NLRP14: variants seen among roughly 807,000 people sequenced by gnomAD.
NLRP14 encodes the protein NACHT, LRR and PYD domains-containing protein 14.
In NLRP14, 105 loss-of-function variants were observed where a neutral mutation model predicts 94.7. That is an observed-to-expected ratio of 1.11 (90% CI 0.95 to 1.30). The LOEUF (loss-of-function observed/expected upper bound fraction) is 1.30. Among genes scored for constraint, NLRP14 ranks in the 50% most tolerant of loss-of-function variants. The probability of loss-of-function intolerance (pLI) is 0.00; values close to 1 mark genes in which losing one functional copy is unlikely to be tolerated. For synonymous variants in NLRP14, 508 were observed against 459.9 expected, an observed-to-expected ratio of 1.10 and a Z score of -1.34; for missense variants, 1,362 against 1,254.1, an observed-to-expected ratio of 1.09 and a Z score of -1.30.
intron 6 of NLRP14, among the ~76,000 whole-genome samples, chr11:7,050,817 T>A (rs1490728792): frequency 6.6e-6 from 1 of 152,158 alleles, no homozygotes; most frequent in Non-Finnish European, 1.5e-5. Context: ...AGAGTAAAGG[T>A]TTTACCTACT....
the NLRP14 span, among the ~76,000 whole-genome samples, chr11:7,083,994 T>C: frequency 6.6e-6 from 1 of 152,212 alleles, no homozygotes; most frequent in East Asian, 1.9e-4. Context: ...TTGTCTTTGT[T>C]CAATTCTTCC....
At chr11:7,089,381 G>C in the NLRP14 span, 5 of 1,603,228 alleles carry the variant, frequency 3.1e-6, no homozygotes, top group Admixed American at 8.4e-5. Context: ...CCACCAAACC[G>C]GCGTTCGAGA....
intron 9 of NLRP14, 39 bp from the exon 10 acceptor site, chr11:7,062,293 AC>A: frequency 6.4e-7 from 1 of 1,561,636 alleles, no homozygotes; most frequent in Non-Finnish European, 8.8e-7. Context: ...ATTTAACCTC[AC>A]AATGGAAGGA....
intron 6 of NLRP14, among the ~76,000 whole-genome samples, chr11:7,050,673 T>C (rs1472145549): frequency 1.3e-5 from 2 of 152,198 alleles, no homozygotes; most frequent in Non-Finnish European, 2.9e-5. Flanking sequence ...AAATGAAGTC[T>C]GGAATAAGAC....
At chr11:7,067,340 A>G (rs1284449161) in intron 10 of NLRP14, among the ~76,000 whole-genome samples, 1 of 152,144 alleles carries the variant, frequency 6.6e-6, no homozygotes, top group Admixed American at 6.5e-5. Context: ...ATGAGCATGG[A>G]ATATTTTTCC....
intron 1 of NLRP14, among the ~76,000 whole-genome samples, chr11:7,031,021 G>C (rs1467444942): frequency 6.6e-6 from 1 of 152,166 alleles, no homozygotes; most frequent in Admixed American, 6.5e-5. Flanking sequence ...TAGGTCAGGC[G>C]GTGGGGTCCA....
chr11:7,036,652 A>C (rs1852166804), intron 1 of NLRP14, among the ~76,000 whole-genome samples: 1 of 152,188 alleles, frequency 6.6e-6, no homozygotes, highest in South Asian at 2.1e-4. Flanking sequence ...ATTGAATCCC[A>C]AAATGCCCCT....
chr11:7,078,470 ATT>A, the NLRP14 span, among the ~76,000 whole-genome samples: 1 of 141,920 alleles, frequency 7.0e-6, no homozygotes, highest in Non-Finnish European at 1.6e-5. Flanking sequence ...AAACAAAAAA[ATT>A]GAATTAGATT....
chr11:7,074,551 C>T (rs896756095), downstream of NLRP14, among the ~76,000 whole-genome samples: 2 of 152,212 alleles, frequency 1.3e-5, no homozygotes, highest in African/African-American at 4.8e-5. Flanking sequence ...TAATTTCTAC[C>T]AGACTGTCAG....
chr11:7,042,760 A>C lies in NLRP14; in HGVS notation c.734A>C (p.Glu245Ala), dbSNP rs1470511423. 4 of 1,614,122 alleles carry C rather than the reference A, an allele frequency of 2.5e-6. No individual in the cohort carries two copies. Among genetic ancestry groups the C allele is most frequent in the Non-Finnish European group, 3.4e-6 (4 of 1,180,044 alleles). ...TGGCCCAGCACAGAAGGCCCCATTG[A>C]AGAAATCATGTACCAGCCAAGTAGC... is the stretch of plus-strand genomic sequence containing the variant. ...KDWPSTEGPI[E>A]EIMYQPSSLL... Residue 245 changes from glutamate to alanine, a missense_variant, in exon 4 of 12, where the codon GAA (glutamate) becomes GCA (alanine). By Grantham distance (107) the Glu-to-Ala change is moderately radical. Coordinates refer to ENST00000299481, the MANE Select transcript of NLRP14 (RefSeq NM_176822.4).
intron 6 of NLRP14, among the ~76,000 whole-genome samples, chr11:7,056,241 G>T (rs1447522870): frequency 1.7e-4 from 26 of 151,856 alleles, no homozygotes; most frequent in Non-Finnish European, 1.3e-4. Context: ...TTACAAGAGT[G>T]ACACAAAGCA....
chr11:7,041,345 C>T (rs1852245592), intron 3 of NLRP14, among the ~76,000 whole-genome samples: 1 of 152,104 alleles, frequency 6.6e-6, no homozygotes, highest in African/African-American at 2.4e-5. Context: ...CTCCCCATCC[C>T]CAATCCTACT....
the NLRP14 span, chr11:7,089,380 C>T: frequency 4.4e-6 from 7 of 1,603,140 alleles, no homozygotes; most frequent in South Asian, 1.1e-5. Flanking sequence ...GCCACCAAAC[C>T]GGCGTTCGAG....
intron 1 of NLRP14, among the ~76,000 whole-genome samples, chr11:7,037,381 T>G (rs1852176212): frequency 6.6e-6 from 1 of 152,188 alleles, no homozygotes; most frequent in Non-Finnish European, 1.5e-5. Flanking sequence ...AAACTCTCCC[T>G]TCTATATACT....
chr11:7,025,134 T>G (rs1378928416), intron 1 of NLRP14, among the ~76,000 whole-genome samples: 1 of 152,086 alleles, frequency 6.6e-6, no homozygotes, highest in Non-Finnish European at 1.5e-5. Context: ...AAAGACACAC[T>G]AGACATAAAA....
chr11:7,072,701 T>A (rs886272151), downstream of NLRP14, among the ~76,000 whole-genome samples: 1 of 152,044 alleles, frequency 6.6e-6, no homozygotes, highest in Non-Finnish European at 1.5e-5. Flanking sequence ...CTGGTTGAGC[T>A]CCCCCAGAGG....
At position 7,043,146 on chromosome 11, in the gene NLRP14, G is replaced by A; in HGVS notation, c.1120G>A (p.Ala374Thr). The stretch of plus-strand genomic sequence containing the variant: ...GTGCCAAGTCCCCCTAGTGTGCTGG[G>A]CCGCTTGTACTTGTCTGAAGCAGCA... Reference protein sequence around the residue: ...SMCQVPLVCWAACTCLKQQME... With the variant: ...SMCQVPLVCWTACTCLKQQME... Residue 374 changes from alanine to threonine, a missense_variant, in exon 4 of 12, where the codon GCC (alanine) becomes ACC (threonine). Coordinates refer to ENST00000299481, the MANE Select transcript of NLRP14 (RefSeq NM_176822.4). 6.2e-7 allele frequency: 1 copy of A among 1,614,138 alleles called. No individual in the cohort carries two copies. The highest frequency in any genetic ancestry group is 8.5e-7 in the Non-Finnish European group (1 of 1,180,026).
chr11:7,082,835 C>G, the NLRP14 span, among the ~76,000 whole-genome samples: 1 of 152,178 alleles, frequency 6.6e-6, no homozygotes, highest in Admixed American at 6.5e-5. Flanking sequence ...TAGAAATGGG[C>G]TATTTTTACC....
intron 1 of NLRP14, among the ~76,000 whole-genome samples, chr11:7,030,100 T>C (rs1318155843): frequency 6.6e-6 from 1 of 152,206 alleles, no homozygotes; most frequent in Non-Finnish European, 1.5e-5. Flanking sequence ...AAATGGGTAA[T>C]CCTTAGAAAA....
Sources: gnomAD v4.1 joint callset for allele counts (sites outside exome capture counted in the v4.1 genomes callset) on GRCh38, gnomAD v4.1.1 for gene constraint, MANE v1.5 for transcripts, NCBI Gene and HGNC (gene_info 2026-07-23, HGNC 2026-07-21) for gene names.